The following CEP162 variants were observed in gnomAD, a reference collection of about 807,000 sequenced individuals.
The protein encoded by CEP162 is centrosomal protein of 162 kDa.
In CEP162, 141 loss-of-function variants were observed where a neutral mutation model predicts 169.2. The observed-to-expected ratio is 0.83, with a 90% CI of 0.73 to 0.96. The LOEUF is 0.96. Ranked by LOEUF, CEP162 falls within the 40% of genes least tolerant of loss-of-function variation. The pLI, the probability that CEP162 is intolerant of heterozygous loss-of-function variation, is 0.00. For synonymous variants in CEP162, 540 were observed against 526.4 expected, an observed-to-expected ratio of 1.03 and a Z score of -0.35; for missense variants, 1,600 against 1,587.2, an observed-to-expected ratio of 1.01 and a Z score of -0.14.
Position 84,174,771 on chromosome 6 carries a change from C to A in CEP162, c.1981G>T (p.Glu661Ter), listed in dbSNP as rs1427401742. Residue 661 changes from glutamate (E) to a stop codon, truncating the protein, a stop_gained, in exon 15 of 27, where the codon GAA (glutamate) becomes TAA (stop). Coordinates refer to ENST00000403245, the MANE Select transcript of CEP162 (RefSeq NM_014895.4). LOFTEE classifies it high-confidence loss of function. ...LEELKKQQEK[E>*]LFKLNQDNYI... ...TTATCTTGATTCAATTTGAAGAGTT[C>A]TTTTTCCTGTTGTTTCTTTAGTTCT... 2 of 1,555,334 alleles carry A rather than the reference C, an allele frequency of 1.3e-6. No individual in the cohort carries two copies. The highest frequency in any genetic ancestry group is 1.8e-6 in the Non-Finnish European group (2 of 1,139,446).
chr6:84,143,904 T>C (rs9449802), intron 25 of CEP162, among the ~76,000 whole-genome samples: 36,975 of 151,920 alleles, frequency 0.24, 9,912 homozygotes, highest in African/African-American at 0.67. Context: ...GTGTTTCCTA[T>C]GGTCTCTATC....
intron 2 of CEP162, among the ~76,000 whole-genome samples, chr6:84,224,125 G>T (rs2099554804): frequency 6.6e-6 from 1 of 152,240 alleles, no homozygotes; most frequent in East Asian, 1.9e-4. Flanking sequence ...CCAAAAAGTG[G>T]AAAGAACCCA....
At chr6:84,169,704 C>T (rs1484211839) in intron 17 of CEP162, among the ~76,000 whole-genome samples, 1 of 152,028 alleles carries the variant, frequency 6.6e-6, no homozygotes, top group African/African-American at 2.4e-5. Flanking sequence ...TCCCAATTCT[C>T]AGAGGAAAAA....
chr6:84,171,271 T>C (rs2099530005), intron 17 of CEP162, among the ~76,000 whole-genome samples: 1 of 152,314 alleles, frequency 6.6e-6, no homozygotes, highest in South Asian at 2.1e-4. Context: ...ATTAATCAAA[T>C]GGTTCCTTGG....
chr6:84,176,244 T>C (rs2099532357), intron 13 of CEP162, among the ~76,000 whole-genome samples: 2 of 152,194 alleles, frequency 1.3e-5, no homozygotes, highest in Admixed American at 6.5e-5. Flanking sequence ...TATTAAATAT[T>C]TGGAAAATAT....
At chr6:84,196,178 T>C (rs767149207) in intron 9 of CEP162, among the ~76,000 whole-genome samples, 1 of 152,170 alleles carries the variant, frequency 6.6e-6, no homozygotes, top group African/African-American at 2.4e-5. Context: ...TGGGAGGTGA[T>C]AGAATTATGG....
chr6:84,215,373 G>A lies in CEP162; in HGVS notation c.412C>T (p.Leu138Phe), dbSNP rs1562093916. Residue 138 changes from leucine (L) to phenylalanine (F), a missense_variant, in exon 5 of 27, where the codon CTT becomes TTT. Transcript: ENST00000403245. The part of the protein sequence containing the change: ...QEEKEQFFAR[L>F]EKGLTSSIDY... ...ATGGAAGATGTCAAGCCTTTCTCAA[G>A]CCTGGCAAAAAATTGTTCTTTCTCC... 1.2e-6 allele frequency: 2 copies of A among 1,606,948 alleles called. No individual in the cohort carries two copies.
chr6:84,175,820 C>T (rs2099532188), intron 13 of CEP162, among the ~76,000 whole-genome samples: 1 of 151,892 alleles, frequency 6.6e-6, no homozygotes, highest in Non-Finnish European at 1.5e-5. Flanking sequence ...ATTATAGTAT[C>T]AATGGAATAA....
intron 3 of CEP162, among the ~76,000 whole-genome samples, chr6:84,216,970 G>A (rs1157210643): frequency 2.6e-5 from 4 of 152,134 alleles, no homozygotes; most frequent in African/African-American, 7.2e-5. Flanking sequence ...TTATGTTTAT[G>A]TAGCAAAGGT....
intron 11 of CEP162, among the ~76,000 whole-genome samples, chr6:84,192,528 G>A (rs1157280501): frequency 6.6e-6 from 1 of 152,226 alleles, no homozygotes; most frequent in African/African-American, 2.4e-5. Flanking sequence ...AATTTTAGTG[G>A]AAGGTTCACT....
chr6:84,183,705 G>A (rs953483241), intron 13 of CEP162, among the ~76,000 whole-genome samples: 3 of 152,100 alleles, frequency 2.0e-5, no homozygotes, highest in South Asian at 2.1e-4. Flanking sequence ...GCTTCACTTG[G>A]CAAAAATGTA....
rs978263513 is a variant in CEP162 at position 84,195,015 on chromosome 6, A to C, written c.896T>G (p.Ile299Arg). ...VEALHQAYCH[I>R]AHSLGDEDKQ... ...GTCTTCATCTCCCAATGAATGGGCT[A>C]TATGACAATAAGCTTGATGTAGGGC... Residue 299 changes from isoleucine to arginine, a missense_variant, in exon 10 of 27, where the codon ATA becomes AGA. By Grantham distance (97) the Ile-to-Arg change is moderately conservative. Transcript: ENST00000403245. 1.2e-6 allele frequency: 2 copies of C among 1,611,752 alleles called. No homozygotes were observed. Among genetic ancestry groups the C allele is most frequent in the Non-Finnish European group, 1.7e-6 (2 of 1,178,744 alleles).
intron 6 of CEP162, among the ~76,000 whole-genome samples, chr6:84,205,662 G>C (rs2099546613): frequency 6.6e-6 from 1 of 152,086 alleles, no homozygotes; most frequent in African/African-American, 2.4e-5. Context: ...ACTGGCACAA[G>C]ACAGGGATGC....
intron 2 of CEP162, among the ~76,000 whole-genome samples, chr6:84,225,652 C>T (rs778497254): frequency 2.0e-5 from 3 of 150,756 alleles, no homozygotes; most frequent in Admixed American, 6.6e-5. Context: ...CATCACATTA[C>T]AGACCATACA....
In CEP162 at chr6:84,203,954, T is replaced by A. The variant is rs374769211; in HGVS notation, c.687+27A>T. 31 of 1,459,846 alleles carry A rather than the reference T, an allele frequency of 2.1e-5. No homozygotes were observed. The African/African-American group carries it at 4.1e-4, about 19-fold the overall frequency. The allele number at this position is 1,459,846 out of a possible 1,614,324, so 90.4% of individuals were successfully genotyped here. ...CAGGTTGAGAAAAAAGTTGCAAAAC[T>A]GTCAAATATATAATTGATATATATA... On this transcript the variant is annotated intron_variant, in intron 7 of 26. Transcript: ENST00000403245.
chr6:84,140,711 G>A (rs2099516220), intron 25 of CEP162, among the ~76,000 whole-genome samples: 1 of 152,086 alleles, frequency 6.6e-6, no homozygotes, highest in South Asian at 2.1e-4. Context: ...TTTTTATAGA[G>A]ATGATGTCTC....
At chr6:84,204,242 C>T (rs547508901) in intron 6 of CEP162, 146 bp from the exon 7 acceptor site, 16 of 541,562 alleles carry the variant, frequency 3.0e-5, no homozygotes, top group Admixed American at 7.0e-5. Flanking sequence ...AGAGAATCTA[C>T]AGAACTCTCC....
chr6:84,223,941 C>T (rs2099554745), intron 2 of CEP162, among the ~76,000 whole-genome samples: 1 of 151,734 alleles, frequency 6.6e-6, no homozygotes, highest in African/African-American at 2.4e-5. Flanking sequence ...CTCTGATAAA[C>T]TAATACACTA....
chr6:84,204,261 T>C (rs951216185), intron 6 of CEP162, among the ~76,000 whole-genome samples, 165 bp from the exon 7 acceptor site: 5 of 152,120 alleles, frequency 3.3e-5, no homozygotes, highest in Non-Finnish European at 7.4e-5. Flanking sequence ...CCAGCCCAAA[T>C]CAACAGGATA....
Sources: gnomAD v4.1 joint callset for allele counts (sites outside exome capture counted in the v4.1 genomes callset) on GRCh38, gnomAD v4.1.1 for gene constraint, MANE v1.5 for transcripts, NCBI Gene and HGNC (gene_info 2026-07-23, HGNC 2026-07-21) for gene names.